Variants in TRIM14 observed in about 807,000 individuals in gnomAD.
TRIM14 encodes tripartite motif-containing protein 14.
TRIM14 carries 28 observed loss-of-function variants against 44.5 expected under a neutral mutation model. The observed-to-expected ratio is 0.63, with a 90% CI of 0.47 to 0.86. The LOEUF (loss-of-function observed/expected upper bound fraction) is 0.86, where lower values mean the gene tolerates loss of function less well. Ranked by LOEUF, TRIM14 falls within the 40% of genes least tolerant of loss-of-function variation. The pLI, the probability that TRIM14 is intolerant of heterozygous loss-of-function variation, is 0.00. For missense variants in TRIM14, 607 were observed against 611.1 expected (o/e 0.99, Z 0.07); for synonymous variants, 299 against 269.2 (o/e 1.11, Z -1.08).
the TRIM14 span, chr9:98,056,691 T>G: frequency 1.4e-6 from 2 of 1,437,280 alleles, no homozygotes; most frequent in Non-Finnish European, 1.8e-6. Context: ...GACCGCGGGC[T>G]GACGTGGCGG....
At chr9:98,088,077 C>A in intron 5 of TRIM14, 72 bp from the exon 6 acceptor site, 1 of 1,371,480 alleles carries the variant, frequency 7.3e-7, no homozygotes, top group South Asian at 1.6e-5. Context: ...GGGAACCCAC[C>A]AACGCACGTG....
chr9:98,087,663 C>T lies in TRIM14; in HGVS notation c.1136G>A (p.Arg379His). The change falls in exon 6 of 6, where the codon CGC (arginine) becomes CAC (histidine). Residue 379 changes from arginine to histidine, a missense_variant. Physicochemically the swap from Arg to His is conservative, Grantham distance 29 (BLOSUM62 0). Around this residue, in one of 3 missense-constraint regions of TRIM14, gnomAD observed 356 missense variants for 323.0 expected, o/e 1.10. Transcript: ENST00000341469. ...LEYWAFHDGQ[R>H]SRLRPRDDLD... The stretch of plus-strand genomic sequence containing the variant: ...GTCGTCGCGGGGCCGCAGGCGGCTG[C>T]GCTGGCCGTCGTGGAAGGCCCAGTA... 2 of 1,602,950 alleles carry T rather than the reference C, an allele frequency of 1.2e-6. No individual in the cohort carries two copies. Among genetic ancestry groups the T allele is most frequent in the Non-Finnish European group, 8.5e-7 (1 of 1,178,500 alleles).
chr9:98,088,301 G>T (rs1426097842), intron 5 of TRIM14, among the ~76,000 whole-genome samples: 1 of 152,040 alleles, frequency 6.6e-6, no homozygotes, highest in Non-Finnish European at 1.5e-5. Context: ...TAACATTAGG[G>T]TGTGTGTACT....
At chr9:98,065,770 C>G (rs571298477), downstream of TRIM14, among the ~76,000 whole-genome samples, 5 of 151,960 alleles carry the variant, frequency 3.3e-5, 1 homozygote, top group South Asian at 1.0e-3. Flanking sequence ...GTAGTTGAAT[C>G]ATGGGGGCTG....
chr9:98,118,837 C>A (rs1176088135), intron 1 of TRIM14, 145 bp downstream of exon 1: 4 of 994,928 alleles, frequency 4.0e-6, no homozygotes, highest in Admixed American at 3.7e-5. Flanking sequence ...TTTCGGTCGA[C>A]CGCTTAGACG....
downstream of TRIM14, chr9:98,082,916 T>A: frequency 6.2e-7 from 1 of 1,614,166 alleles, no homozygotes; most frequent in East Asian, 2.2e-5. Flanking sequence ...ATGCTCACCG[T>A]GAAGGTGGGT....
chr9:98,085,750 T>C lies in TRIM14; in HGVS notation c.*1720A>G, dbSNP rs1344988803. 1 of 152,206 alleles carries C rather than the reference T, an allele frequency of 6.6e-6. No homozygotes were observed. Among genetic ancestry groups the C allele is most frequent in the Non-Finnish European group, 1.5e-5 (1 of 68,042 alleles). The allele number at this position is 152,206 out of a possible 1,614,324, so 9.4% of individuals were successfully genotyped here. A position where few individuals can be genotyped will look rare whatever the true frequency, so the allele number is the denominator to read the frequency against. ...TTTGCAAGGTTCTGTCTGCCTGGTA[T>C]TCTGCTACATTGTCTCATATCAAAA... On this transcript the variant is annotated 3_prime_UTR_variant, in exon 6 of 6. Coordinates refer to ENST00000341469, the MANE Select transcript of TRIM14 (RefSeq NM_014788.4).
At position 98,077,343 on chromosome 9, in the gene TRIM14, T is replaced by A. The variant is rs183436713; in HGVS notation, c.*29-7656A>T. Among the ~76,000 whole-genome samples the A allele has an allele frequency of 9.3e-4, 142 of 152,164 alleles. 4 individuals carry two copies. The East Asian group carries it at 0.013, about 14-fold the overall frequency. On this transcript the variant is annotated intron_variant, in intron 6 of 6. Transcript: ENST00000375098. ...AAAATGAATTAAGAATATGACAGTTTTTATAAGACATTTAGAAATTCTTTT... is the reference window on the plus strand; with the variant it reads ...AAAATGAATTAAGAATATGACAGTTATTATAAGACATTTAGAAATTCTTTT...
At chr9:98,078,873 A>G (rs1006005109) in intron 6 of TRIM14, among the ~76,000 whole-genome samples, 5 of 151,308 alleles carry the variant, frequency 3.3e-5, no homozygotes. Flanking sequence ...GTCAACAGAC[A>G]TTTGGGATGA....
At chr9:98,065,721 C>T (rs1219838268), downstream of TRIM14, among the ~76,000 whole-genome samples, 1 of 151,546 alleles carries the variant, frequency 6.6e-6, no homozygotes, top group Non-Finnish European at 1.5e-5. Flanking sequence ...ATTTTATCTC[C>T]CAGAATTCCC....
chr9:98,107,911 G>A (rs1256788498), intron 2 of TRIM14, among the ~76,000 whole-genome samples: 1 of 151,828 alleles, frequency 6.6e-6, no homozygotes, highest in Non-Finnish European at 1.5e-5. Context: ...CAAATGATCT[G>A]CCTGCCTCAG....
At chr9:98,080,945 T>C (rs779594562), downstream of TRIM14, 1 of 1,614,200 alleles carries the variant, frequency 6.2e-7, no homozygotes, top group South Asian at 1.1e-5. Context: ...GGACAAGACC[T>C]GGAAGGGGAG....
At chr9:98,104,110 G>C (rs1257082447) in intron 2 of TRIM14, among the ~76,000 whole-genome samples, 1 of 152,182 alleles carries the variant, frequency 6.6e-6, no homozygotes, top group Non-Finnish European at 1.5e-5. Context: ...TCAGAGGCTA[G>C]CTCATACACA....
At chr9:98,072,223 TA>T (rs1829368040) in intron 6 of TRIM14, among the ~76,000 whole-genome samples, 1 of 152,150 alleles carries the variant, frequency 6.6e-6, no homozygotes, top group African/African-American at 2.4e-5. Flanking sequence ...TTCAGGGAGC[TA>T]AACCCGTGGG....
the TRIM14 span, among the ~76,000 whole-genome samples, chr9:98,057,171 C>A: frequency 6.6e-6 from 1 of 152,242 alleles, no homozygotes; most frequent in Non-Finnish European, 1.5e-5. Context: ...GTTTCCTCCC[C>A]GTTCTGGTGC....
chr9:98,081,030 T>G (rs1020562596), downstream of TRIM14: 1 of 1,614,064 alleles, frequency 6.2e-7, no homozygotes, highest in Non-Finnish European at 8.5e-7. Context: ...GAGCGTGCCC[T>G]GGGCTCCCCA....
intron 4 of TRIM14, chr9:98,092,463 CT>C: frequency 2.6e-6 from 1 of 378,882 alleles, no homozygotes. Context: ...AGGTTGCCTC[CT>C]TCCCAGCTAT....
At chr9:98,046,158 A>G in the TRIM14 span, among the ~76,000 whole-genome samples, 1 of 152,096 alleles carries the variant, frequency 6.6e-6, no homozygotes, top group African/African-American at 2.4e-5. Context: ...AAAAAAAATC[A>G]TTGGCTAAGT....
the TRIM14 span, among the ~76,000 whole-genome samples, chr9:98,047,787 C>T: frequency 4.0e-5 from 6 of 151,864 alleles, no homozygotes; most frequent in East Asian, 1.9e-4. Flanking sequence ...GGAAATGAGC[C>T]GGGCGTGGTT....
Sources: gnomAD v4.1 joint callset for allele counts (sites outside exome capture counted in the v4.1 genomes callset) on GRCh38, gnomAD v4.1.1 for gene constraint, gnomAD v4.1.1 regional missense constraint, MANE v1.5 for transcripts, NCBI Gene and HGNC (gene_info 2026-07-23, HGNC 2026-07-21) for gene names.